Variants in TNNI3K observed in about 807,000 individuals in gnomAD.
TNNI3K encodes TNNI3 interacting kinase.
A neutral mutation model predicts 114.5 loss-of-function variants in TNNI3K; 140 were observed. The observed-to-expected ratio is 1.22, with a 90% CI of 1.07 to 1.41. TNNI3K has a LOEUF of 1.41. Among genes scored for constraint, TNNI3K ranks in the 40% most tolerant of loss-of-function variants. TNNI3K has a pLI of 0.00. For missense variants in TNNI3K, 1,125 were observed against 1,007.6 expected (o/e 1.12, Z -1.58); for synonymous variants, 347 against 347.5 (o/e 1.00, Z 0.02).
intron 17 of TNNI3K, among the ~76,000 whole-genome samples, chr1:74,422,118 T>TA (rs1278332891): frequency 6.6e-6 from 1 of 151,960 alleles, no homozygotes; most frequent in Non-Finnish European, 1.5e-5. Context: ...AATGTGCTAA[T>TA]ACCTTCTACA....
At chr1:74,308,743 T>G (rs1245943443) in intron 5 of TNNI3K, among the ~76,000 whole-genome samples, 2 of 151,996 alleles carry the variant, frequency 1.3e-5, no homozygotes, top group Non-Finnish European at 2.9e-5. Flanking sequence ...TAAACAAGAT[T>G]GATAGGCCAC....
intron 9 of TNNI3K, among the ~76,000 whole-genome samples, chr1:74,343,913 G>A (rs1364328264): frequency 1.3e-5 from 2 of 152,184 alleles, no homozygotes; most frequent in South Asian, 2.1e-4. Flanking sequence ...TTTTTAATGA[G>A]TAACTATTTT....
chr1:74,244,609 A>G (rs1654442541), intron 2 of TNNI3K, among the ~76,000 whole-genome samples: 1 of 149,620 alleles, frequency 6.7e-6, no homozygotes, highest in Admixed American at 6.8e-5. Context: ...GGACGAACAC[A>G]GCAGTCAATT....
intron 9 of TNNI3K, among the ~76,000 whole-genome samples, chr1:74,352,968 C>G (rs560508486): frequency 3.0e-4 from 45 of 152,274 alleles, no homozygotes; most frequent in Non-Finnish European, 5.3e-4. Context: ...GCGCTTCACC[C>G]ACTGTCCCGC....
chr1:74,402,388 A>C (rs45460893), intron 17 of TNNI3K, among the ~76,000 whole-genome samples: 6,323 of 152,216 alleles, frequency 0.042, 151 homozygotes, highest in East Asian at 0.079. Flanking sequence ...TCCAAAACCC[A>C]CTGAAAAAAA....
At chr1:74,378,144 C>A (rs959430990) in intron 17 of TNNI3K, among the ~76,000 whole-genome samples, 5 of 151,764 alleles carry the variant, frequency 3.3e-5, no homozygotes, top group African/African-American at 1.2e-4. Flanking sequence ...ATTAGGGCTA[C>A]CTGTAGTTCT....
intron 11 of TNNI3K, among the ~76,000 whole-genome samples, chr1:74,356,389 G>T (rs1385939729): frequency 2.0e-5 from 3 of 152,192 alleles, no homozygotes; most frequent in Admixed American, 2.0e-4. Context: ...ATTTCTATTA[G>T]ATATAAAGGT....
At chr1:74,380,706 CT>C (rs779570468) in intron 17 of TNNI3K, among the ~76,000 whole-genome samples, 2 of 152,138 alleles carry the variant, frequency 1.3e-5, no homozygotes, top group Non-Finnish European at 2.9e-5. Context: ...TTCGTTTCTT[CT>C]CTGCTCTCAT....
chr1:74,304,864 ATGTG>A (rs759377141), intron 5 of TNNI3K, among the ~76,000 whole-genome samples: 1 of 152,190 alleles, frequency 6.6e-6, no homozygotes, highest in African/African-American at 2.4e-5. Context: ...AAACTAAAAA[ATGTG>A]TGTGACTTAT....
At position 74,390,427 on chromosome 1, in the gene TNNI3K, G is replaced by T. The variant is rs114790580; in HGVS notation, c.1772+20035G>T. On this transcript the variant is annotated intron_variant, in intron 17 of 24. Coordinates refer to ENST00000326637, the MANE Select transcript of TNNI3K (RefSeq NM_015978.3). ...TATAAAAGGTACAGGAGTGAATATT[G>T]TCAGTATTTAACTCTGAAATGTTTC... is the stretch of plus-strand genomic sequence containing the variant. Among the ~76,000 whole-genome samples the T allele has an allele frequency of 5.7e-3, 864 of 152,252 alleles. 11 individuals are homozygous for T. The highest frequency in any genetic ancestry group is 0.02 in the African/African-American group (825 of 41,556).
chr1:74,499,246 A>G (rs1273087520), intron 23 of TNNI3K, among the ~76,000 whole-genome samples: 2 of 152,206 alleles, frequency 1.3e-5, no homozygotes, highest in Non-Finnish European at 2.9e-5. Flanking sequence ...GGCTCAAGCA[A>G]TCCTCCTGCC....
intron 21 of TNNI3K, chr1:74,470,301 G>T (rs887314258): frequency 5.0e-6 from 2 of 400,600 alleles, no homozygotes; most frequent in Middle Eastern, 3.1e-4. Context: ...CTTTTGTGAT[G>T]CCTTTTAAGG....
intron 5 of TNNI3K, among the ~76,000 whole-genome samples, chr1:74,296,384 T>C (rs746397647): frequency 1.5e-4 from 23 of 152,164 alleles, no homozygotes; most frequent in Non-Finnish European, 3.1e-4. Context: ...CCTCTCACTT[T>C]CTTTTATTCT....
At chr1:74,489,382 C>A in intron 22 of TNNI3K, 134 bp downstream of exon 22, 1 of 834,738 alleles carries the variant, frequency 1.2e-6, no homozygotes, top group Non-Finnish European at 1.8e-6. Context: ...TTGCCCTATT[C>A]ATTAAATTCC....
intron 11 of TNNI3K, among the ~76,000 whole-genome samples, chr1:74,365,715 T>A (rs973691829): frequency 6.6e-6 from 1 of 152,092 alleles, no homozygotes; most frequent in Non-Finnish European, 1.5e-5. Context: ...TGTTGGCTAA[T>A]GTCCTTAAAT....
At chr1:74,243,856 T>C (rs1014730484) in intron 2 of TNNI3K, among the ~76,000 whole-genome samples, 2 of 152,118 alleles carry the variant, frequency 1.3e-5, no homozygotes, top group African/African-American at 4.8e-5. Context: ...ATGAACTCTT[T>C]AGGATATGTT....
At chr1:74,327,342 C>T (rs990510444) in intron 5 of TNNI3K, among the ~76,000 whole-genome samples, 1 of 149,270 alleles carries the variant, frequency 6.7e-6, no homozygotes, top group Non-Finnish European at 1.5e-5. Flanking sequence ...ACCAAGTTAC[C>T]AGCCCATATT....
At chr1:74,274,082 G>A (rs2100899624) in intron 5 of TNNI3K, among the ~76,000 whole-genome samples, 1 of 151,774 alleles carries the variant, frequency 6.6e-6, no homozygotes, top group South Asian at 2.1e-4. Context: ...ACTGCTGATT[G>A]GAAGCCTTAT....
chr1:74,512,916 C>T lies in TNNI3K; in HGVS notation c.2351+20650C>T, dbSNP rs547899298. On this transcript the variant is annotated intron_variant, in intron 23 of 24. Transcript: ENST00000326637. ...GGGGTCACTATGTGATCACCTAAAGCTGGCCTTTTCTGTCCCTCATCCGGG... is the reference window on the plus strand; with the variant it reads ...GGGGTCACTATGTGATCACCTAAAGTTGGCCTTTTCTGTCCCTCATCCGGG... Among the ~76,000 whole-genome samples, 29 of 152,346 alleles carry T rather than the reference C, an allele frequency of 1.9e-4. 2 individuals carry two copies. In the East Asian group the frequency reaches 5.4e-3, roughly 28 times the overall value.
Sources: gnomAD v4.1 joint callset for allele counts (sites outside exome capture counted in the v4.1 genomes callset) on GRCh38, gnomAD v4.1.1 for gene constraint, MANE v1.5 for transcripts, NCBI Gene and HGNC (gene_info 2026-07-23, HGNC 2026-07-21) for gene names.